Variants in KCNK10 observed in about 807,000 individuals in gnomAD.
KCNK10 encodes the protein potassium two pore domain channel subfamily K member 10.
A neutral mutation model predicts 47.7 loss-of-function variants in KCNK10; 25 were observed. The ratio of observed to expected loss-of-function variants is 0.52; its 90% confidence interval spans 0.38 to 0.73. KCNK10 has a LOEUF of 0.73. Ranked by LOEUF, KCNK10 falls within the 30% of genes least tolerant of loss-of-function variation. The probability of loss-of-function intolerance (pLI) is 0.00; values close to 1 mark genes in which losing one functional copy is unlikely to be tolerated. For synonymous variants in KCNK10, 303 were observed against 285.6 expected (o/e 1.06, Z -0.61); for missense variants, 563 against 714.5 (o/e 0.79, Z 2.42).
Position 88,260,297 on chromosome 14 carries a change from C to G in KCNK10, c.402+2905G>C, listed in dbSNP as rs7146881. 4.5e-4 allele frequency among the ~76,000 whole-genome samples: 68 copies of G among 152,282 alleles called. No individual in the cohort carries two copies. Among genetic ancestry groups the G allele is most frequent in the African/African-American group, 1.3e-3 (55 of 41,558 alleles). On this transcript the variant is annotated intron_variant, in intron 2 of 6. Coordinates refer to ENST00000319231, the MANE Select transcript of KCNK10 (RefSeq NM_138317.3). This position sits in a 1 kb window ranked among gnomAD's most constrained non-coding sequence, Gnocchi z 4.5. ...TCCCTCCCTTTGCTCTCTCTTCCTC[C>G]TGCTCCAGCCATATAGGACATGCCT...
chr14:88,272,988 C>T (rs1180332953), intron 1 of KCNK10, among the ~76,000 whole-genome samples: 3 of 152,094 alleles, frequency 2.0e-5, no homozygotes, highest in Non-Finnish European at 4.4e-5. Context: ...GTGTGCAGCT[C>T]CTGTAGCCCA....
In KCNK10 at chr14:88,185,853, C is replaced by T. The variant is rs1884535846; in HGVS notation, c.1314G>A (p.Lys438=). The change falls in exon 7 of 7, where the codon AAG becomes AAA. Residue 438 remains lysine, a synonymous_variant. Coordinates refer to ENST00000319231, the MANE Select transcript of KCNK10 (RefSeq NM_138317.3). This position sits in a 1 kb window ranked among gnomAD's most constrained non-coding sequence, Gnocchi z 4.3. ...LRLKGPEQLN[K]HGQGASEDNI... is the part of the protein sequence containing the mutation. ...TGTCCTCGGACGCACCCTGCCCATG[C>T]TTGTTCAGCTGCTCCGGCCCCTTCA... is the stretch of plus-strand genomic sequence containing the variant. 5.0e-6 allele frequency: 8 copies of T among 1,614,050 alleles called. No individual in the cohort carries two copies. The highest frequency in any genetic ancestry group is 1.7e-5 in the Admixed American group (1 of 60,006).
At chr14:88,258,173 G>A (rs1309400104) in intron 2 of KCNK10, among the ~76,000 whole-genome samples, 7 of 152,050 alleles carry the variant, frequency 4.6e-5, no homozygotes, top group African/African-American at 1.7e-4. Flanking sequence ...CATTTACCGT[G>A]TGCCAAGCAC....
intron 2 of KCNK10, among the ~76,000 whole-genome samples, chr14:88,250,917 T>C (rs1439814128): frequency 6.6e-6 from 1 of 152,150 alleles, no homozygotes; most frequent in Non-Finnish European, 1.5e-5. Context: ...GTGAAAGTTC[T>C]AAATGAAGGG....
chr14:88,192,231 A>G lies in KCNK10; in HGVS notation c.861T>C (p.Phe287=), dbSNP rs1309872433. ...VTLTTVGFGD[F]VAGGNAGINY... ...CCTGCCCAGGGTGCTTACCTGCCAC[A>G]AAATCACCAAAGCCCACCGTGGTCA... Residue 287 remains phenylalanine, a synonymous_variant, in exon 5 of 7, where the codon TTT becomes TTC. Transcript: ENST00000319231. The G allele has an allele frequency of 3.1e-6, 5 of 1,612,466 alleles. No homozygotes were observed. In the South Asian group the frequency reaches 5.5e-5, roughly 18 times the overall value.
Position 88,192,331 on chromosome 14 carries a change from G to A in KCNK10, c.761C>T (p.Thr254Met), listed in dbSNP as rs138563185. The change falls in exon 5 of 7, where the codon ACG becomes ATG. Residue 254 changes from threonine (T) to methionine (M), a missense_variant. Coordinates refer to ENST00000319231, the MANE Select transcript of KCNK10 (RefSeq NM_138317.3). ...FILAGCIVFV[T>M]IPAVIFKYIE... ...GTACTTAAAGATGACAGCAGGGATCGTCACAAACACAATGCAGCCGGCCAA... is the reference window on the plus strand; with the variant it reads ...GTACTTAAAGATGACAGCAGGGATCATCACAAACACAATGCAGCCGGCCAA... The A allele has an allele frequency of 2.2e-3, 3,534 of 1,614,108 alleles. 3 individuals are homozygous for A. The highest frequency in any genetic ancestry group is 2.7e-3 in the Non-Finnish European group (3,180 of 1,179,984).
intron 1 of KCNK10, among the ~76,000 whole-genome samples, chr14:88,312,123 A>T (rs956203263): frequency 1.3e-5 from 2 of 152,092 alleles, no homozygotes; most frequent in African/African-American, 4.8e-5. Context: ...CCACGGTGCT[A>T]CTCAAAAGAA....
chr14:88,260,215 T>C lies in KCNK10; in HGVS notation c.402+2987A>G, dbSNP rs759450831. Among the ~76,000 whole-genome samples, 1 of 152,188 alleles carries C rather than the reference T, an allele frequency of 6.6e-6. No individual in the cohort carries two copies. Among genetic ancestry groups the C allele is most frequent in the East Asian group, 1.9e-4 (1 of 5,190 alleles). ...ACCTTGGCCTCCCAAAGTGCTGGGATTACAGGTGTAAGCCACCGCGCCAGG... is the reference window on the plus strand; with the variant it reads ...ACCTTGGCCTCCCAAAGTGCTGGGACTACAGGTGTAAGCCACCGCGCCAGG... On this transcript the variant is annotated intron_variant, in intron 2 of 6. Transcript: ENST00000319231. This position sits in a 1 kb window ranked among gnomAD's most constrained non-coding sequence, Gnocchi z 4.5.
chr14:88,222,638 G>A (rs1222091967), intron 4 of KCNK10, among the ~76,000 whole-genome samples: 6 of 152,202 alleles, frequency 3.9e-5, no homozygotes, highest in South Asian at 2.1e-4. Context: ...GACTGCACAT[G>A]TGTGTAGGGG....
chr14:88,244,477 C>A (rs920446954), intron 2 of KCNK10, among the ~76,000 whole-genome samples: 3 of 152,002 alleles, frequency 2.0e-5, no homozygotes, highest in Non-Finnish European at 4.4e-5. Context: ...GGCCATCCTG[C>A]CTAACATGGT....
intron 3 of KCNK10, among the ~76,000 whole-genome samples, chr14:88,229,574 G>C (rs1886097926): frequency 6.6e-6 from 1 of 152,112 alleles, no homozygotes; most frequent in Non-Finnish European, 1.5e-5. Flanking sequence ...TCTTGGGTAA[G>C]AGCATGAGTG....
chr14:88,217,548 T>G (rs1212821298), intron 4 of KCNK10, among the ~76,000 whole-genome samples: 1 of 152,204 alleles, frequency 6.6e-6, no homozygotes, highest in African/African-American at 2.4e-5. Flanking sequence ...TTTTTATTTT[T>G]TTATTTTACT....
At chr14:88,245,984 A>G (rs895245299) in intron 2 of KCNK10, among the ~76,000 whole-genome samples, 1 of 152,240 alleles carries the variant, frequency 6.6e-6, no homozygotes, top group Admixed American at 6.5e-5. Context: ...TGAACGGCAC[A>G]GTCAGCAAAG....
At chr14:88,262,441 G>A (rs1298397042) in intron 2 of KCNK10, among the ~76,000 whole-genome samples, 14 of 152,076 alleles carry the variant, frequency 9.2e-5, no homozygotes, top group South Asian at 2.1e-4. Context: ...CCAGTCCCTC[G>A]CACCGCAGCC....
At chr14:88,289,307 GCTT>G (rs1414855423) in intron 1 of KCNK10, among the ~76,000 whole-genome samples, 17 of 152,286 alleles carry the variant, frequency 1.1e-4, no homozygotes, top group African/African-American at 3.8e-4. Flanking sequence ...ATCTCACTGG[GCTT>G]CTTCTCTTTT....
intron 1 of KCNK10, among the ~76,000 whole-genome samples, chr14:88,301,769 G>A (rs550814382): frequency 2.6e-4 from 40 of 152,278 alleles, no homozygotes; most frequent in African/African-American, 9.1e-4. Context: ...ACCAGCCTTG[G>A]AAAGGAGGTC....
intron 1 of KCNK10, among the ~76,000 whole-genome samples, chr14:88,311,241 A>G (rs867602052): frequency 6.6e-6 from 1 of 152,194 alleles, no homozygotes; most frequent in Non-Finnish European, 1.5e-5. Context: ...CGCTGAACCC[A>G]TCATTTGATT....
intron 4 of KCNK10, among the ~76,000 whole-genome samples, chr14:88,224,726 C>T (rs1885928237): frequency 6.6e-6 from 1 of 152,218 alleles, no homozygotes; most frequent in Admixed American, 6.5e-5. Flanking sequence ...TCTAATGCCT[C>T]CGCCTCCCAA....
At chr14:88,317,198 T>C (rs1238496889) in intron 1 of KCNK10, among the ~76,000 whole-genome samples, 1 of 152,210 alleles carries the variant, frequency 6.6e-6, no homozygotes, top group Non-Finnish European at 1.5e-5. Context: ...AACACTGATC[T>C]CCTGAAAATT....
Sources: allele counts gnomAD v4.1 joint callset (sites outside exome capture counted in the v4.1 genomes callset), GRCh38; gene constraint gnomAD v4.1.1; non-coding constraint Gnocchi (gnomAD v3.1); transcripts MANE v1.5; gene names NCBI Gene and HGNC (gene_info 2026-07-23, HGNC 2026-07-21).